OGDH: variants seen among roughly 807,000 people sequenced by gnomAD.
OGDH encodes the protein oxoglutarate dehydrogenase.
Under a neutral mutation model 116.6 loss-of-function variants are expected in OGDH, and 38 were observed. That is an observed-to-expected ratio of 0.33 (90% CI 0.25 to 0.43). The LOEUF (loss-of-function observed/expected upper bound fraction) is 0.43. Ranked by LOEUF, OGDH falls within the 20% of genes least tolerant of loss-of-function variation. The pLI is 1.00. For synonymous variants in OGDH, 488 were observed against 533.3 expected, an observed-to-expected ratio of 0.92 and a Z score of 1.17; for missense variants, 825 against 1,357.2, an observed-to-expected ratio of 0.61 and a Z score of 6.16.
chr7:44,697,194 G>C lies in OGDH; in HGVS notation c.2051+130G>C. 6.8e-7 allele frequency: 1 copy of C among 1,464,956 alleles called. No homozygotes were observed. Among genetic ancestry groups the C allele is most frequent in the African/African-American group, 1.4e-5 (1 of 71,444 alleles). The allele number at this position is 1,464,956 out of a possible 1,614,324, so 90.7% of individuals were successfully genotyped here. On this transcript the variant is annotated intron_variant, in intron 15 of 22. Transcript: ENST00000222673. The surrounding 1 kb of genome is among the most constrained non-coding windows in gnomAD (Gnocchi z 6.0). ...CATTGCTCTCAGGCTGAAAACCTCT[G>C]TCCCTCATTTGCTATGGGTGCTTCT...
At chr7:44,659,939 T>C (rs1211063977) in intron 4 of OGDH, among the ~76,000 whole-genome samples, 1 of 152,206 alleles carries the variant, frequency 6.6e-6, no homozygotes, top group African/African-American at 2.4e-5. Flanking sequence ...ATTTCTGCTC[T>C]TTATTGTTTC....
Position 44,656,432 on chromosome 7 carries a change from C to G in OGDH, c.517+8673C>G, listed in dbSNP as rs1328782794. ...CATTTGAATAGGATGTGCAACTTTT[C>G]CTAGCATGCAATATGGGGAAAGTTG... On this transcript the variant is annotated intron_variant, in intron 4 of 22. Transcript: ENST00000222673. The G allele has an allele frequency of 1.4e-5, 19 of 1,391,594 alleles. No homozygotes were observed. In the South Asian group the frequency reaches 2.0e-4, roughly 15 times the overall value. 86.2% of individuals were successfully genotyped at this position (1,391,594 alleles called of 1,614,324 possible).
Position 44,673,298 on chromosome 7 carries a change from A to G in OGDH, c.634-489A>G, listed in dbSNP as rs1585336391. Among the ~76,000 whole-genome samples, 4 of 152,296 alleles carry G rather than the reference A, an allele frequency of 2.6e-5. No homozygotes were observed. The East Asian group carries it at 7.7e-4, about 29-fold the overall frequency. ...GCGCTACTGCACTCCCGCCTCGATG[A>G]CAGAGACCCTGCCTCAAAAAAATAA... On this transcript the variant is annotated intron_variant, in intron 5 of 22. Transcript: ENST00000222673.
At chr7:44,689,260 C>T (rs1242132865) in intron 10 of OGDH, among the ~76,000 whole-genome samples, 4 of 145,076 alleles carry the variant, frequency 2.8e-5, no homozygotes, top group African/African-American at 5.1e-5. Context: ...CCGTCACCCA[C>T]GCTGGAGTGC....
chr7:44,628,518 T>G (rs2117318432), intron 2 of OGDH, among the ~76,000 whole-genome samples: 1 of 151,898 alleles, frequency 6.6e-6, no homozygotes, highest in African/African-American at 2.4e-5. Context: ...TTTGGGAGGC[T>G]GAGGCAGGAG....
chr7:44,607,056 T>C (rs1251966111), intron 1 of OGDH, among the ~76,000 whole-genome samples: 1 of 152,216 alleles, frequency 6.6e-6, no homozygotes, highest in Admixed American at 6.5e-5. Flanking sequence ...TAGGCCGCTC[T>C]CCGACGGCGT....
In OGDH at chr7:44,669,145, C is replaced by CTTTTTTTTTTTTTTTTTTTTTT. The variant is rs869250474; in HGVS notation, c.633+2298_633+2319dup. ...GAGTCCCCTGTGGGGAGCCCGGCAG[C>CTTTTTTTTTTTTTTTTTTTTTT]TTTTTTTTTTTTTTTTTTTTTTTTT... On this transcript the variant is annotated intron_variant, in intron 5 of 22. Transcript: ENST00000222673. Among the ~76,000 whole-genome samples the CTTTTTTTTTTTTTTTTTTTTTT allele has an allele frequency of 2.3e-4, 18 of 77,806 alleles. 2 individuals carry two copies. The highest frequency in any genetic ancestry group is 5.9e-4 in the African/African-American group (8 of 13,674). The allele number at this position is 77,806 out of a possible 152,430, so 51.0% of individuals were successfully genotyped here. A position where few individuals can be genotyped will look rare whatever the true frequency, so the allele number is the denominator to read the frequency against.
intron 2 of OGDH, among the ~76,000 whole-genome samples, chr7:44,625,281 C>A (rs952511047): frequency 6.6e-6 from 1 of 152,040 alleles, no homozygotes; most frequent in Admixed American, 6.5e-5. Context: ...CACGTCACCA[C>A]GCCTGACTAG....
rs758314469 is a variant in OGDH, at chr7:44,675,320, C to T, written c.1026+52C>T. 11 of 1,411,762 alleles carry T rather than the reference C, an allele frequency of 7.8e-6. 1 individual carries two copies. The South Asian group carries it at 8.2e-5, about 11-fold the overall frequency. 87.5% of individuals were successfully genotyped at this position (1,411,762 alleles called of 1,614,324 possible). On this transcript the variant is annotated intron_variant, in intron 8 of 22. Coordinates refer to ENST00000222673, the MANE Select transcript of OGDH (RefSeq NM_002541.4). The stretch of plus-strand genomic sequence containing the variant: ...CAGCATAGCCCCAACTTACACAAGA[C>T]CCCTGGCTCCACTTCTTTCTTAGAA...
At chr7:44,690,300 G>T (rs1788314997) in intron 10 of OGDH, among the ~76,000 whole-genome samples, 1 of 152,152 alleles carries the variant, frequency 6.6e-6, no homozygotes, top group Non-Finnish European at 1.5e-5. Context: ...AGTTGTCAGG[G>T]TTGAAGTAAA....
chr7:44,657,846 A>G (rs1431752839), intron 4 of OGDH, among the ~76,000 whole-genome samples: 1 of 152,148 alleles, frequency 6.6e-6, no homozygotes, highest in African/African-American at 2.4e-5. Flanking sequence ...TGTTCATTTT[A>G]TATTTTTGTG....
chr7:44,615,961 C>G (rs1429415742), intron 1 of OGDH, among the ~76,000 whole-genome samples: 1 of 149,648 alleles, frequency 6.7e-6, no homozygotes, highest in Non-Finnish European at 1.5e-5. Context: ...CCTGGGAGGT[C>G]CAGGCTGCAG....
intron 2 of OGDH, among the ~76,000 whole-genome samples, chr7:44,627,181 G>A (rs1785240164): frequency 6.6e-6 from 1 of 152,196 alleles, no homozygotes; most frequent in African/African-American, 2.4e-5. Context: ...ATTTTTAGTA[G>A]AGACGGGGTT....
chr7:44,648,600 G>C (rs1457668282), intron 4 of OGDH, among the ~76,000 whole-genome samples: 1 of 152,102 alleles, frequency 6.6e-6, no homozygotes, highest in African/African-American at 2.4e-5. Context: ...ACTCCTCTTG[G>C]GATGGGTACG....
Position 44,645,333 on chromosome 7 carries a change from G to A in OGDH, c.229G>A (p.Asp77Asn). 1.2e-6 allele frequency: 2 copies of A among 1,614,012 alleles called. No homozygotes were observed. Among genetic ancestry groups the A allele is most frequent in the Non-Finnish European group, 1.7e-6 (2 of 1,179,956 alleles). ...ENPKSVHKSW[D>N]IFFRNTNAGA... ...GTACCTTCTTTGTCTTTAGTCATGG[G>A]ACATTTTTTTTCGCAACACGAATGC... Residue 77 changes from aspartate (D) to asparagine (N), a missense_variant, in exon 3 of 23, where the codon GAC becomes AAC. Around this residue, in one of 7 missense-constraint regions of OGDH, gnomAD observed 126 missense variants for 130.4 expected, o/e 0.97. Coordinates refer to ENST00000222673, the MANE Select transcript of OGDH (RefSeq NM_002541.4).
At chr7:44,683,115 C>G (rs1359638428) in intron 10 of OGDH, among the ~76,000 whole-genome samples, 1 of 151,994 alleles carries the variant, frequency 6.6e-6, no homozygotes, top group African/African-American at 2.4e-5. Context: ...CGCCACTGCA[C>G]TCCAGCCTGG....
intron 5 of OGDH, among the ~76,000 whole-genome samples, chr7:44,671,126 GA>G (rs991497743): frequency 6.6e-6 from 1 of 151,978 alleles, no homozygotes; most frequent in Non-Finnish European, 1.5e-5. Flanking sequence ...AATTTATAAT[GA>G]AAAAGGGGTT....
chr7:44,692,339 G>T (rs547521083), intron 10 of OGDH, among the ~76,000 whole-genome samples: 1 of 152,304 alleles, frequency 6.6e-6, no homozygotes, highest in Admixed American at 6.5e-5. Flanking sequence ...GAGACTAAAG[G>T]AAGTATAGCT....
intron 1 of OGDH, among the ~76,000 whole-genome samples, chr7:44,612,367 A>G (rs527699790): frequency 1.6e-4 from 25 of 152,066 alleles, no homozygotes; most frequent in African/African-American, 5.1e-4. Context: ...TGTTTCAGCT[A>G]ATCTAGTTCT....
Sources: allele counts gnomAD v4.1 joint callset (sites outside exome capture counted in the v4.1 genomes callset), GRCh38; gene constraint gnomAD v4.1.1; regional missense constraint gnomAD v4.1.1; non-coding constraint Gnocchi (gnomAD v3.1); transcripts MANE v1.5; gene names NCBI Gene and HGNC (gene_info 2026-07-23, HGNC 2026-07-21).